CPNE6: variants seen among roughly 807,000 people sequenced by gnomAD.
CPNE6 encodes the protein copine-6.
In CPNE6, 33 loss-of-function variants were observed where a neutral mutation model predicts 71.5. The observed-to-expected ratio is 0.46, with a 90% confidence interval of 0.35 to 0.62. The LOEUF (loss-of-function observed/expected upper bound fraction) is 0.62. Ranked by LOEUF, CPNE6 falls within the 20% of genes least tolerant of loss-of-function variation. The pLI, the probability that CPNE6 is intolerant of heterozygous loss-of-function variation, is 0.00. For missense variants in CPNE6, 576 were observed against 747.3 expected (o/e 0.77, Z 2.67); for synonymous variants, 296 against 293.0 (o/e 1.01, Z -0.10).
chr14:24,071,892 C>A, intron 2 of CPNE6: 1 of 435,288 alleles, frequency 2.3e-6, no homozygotes, highest in Non-Finnish European at 4.1e-6. Context: ...AGGTAGATAC[C>A]CAGCCAGAGA....
Position 24,075,950 on chromosome 14 carries a change from G to A in CPNE6, c.924+64G>A. 2 of 1,591,208 alleles carry A rather than the reference G, an allele frequency of 1.3e-6. No individual in the cohort carries two copies. Among genetic ancestry groups the A allele is most frequent in the South Asian group, 1.1e-5 (1 of 90,302 alleles). The stretch of plus-strand genomic sequence containing the variant: ...GGGCTGAGTCCATAGTGAAAGGAAG[G>A]AGCCCAGAATCTCCACTGCCCCAAC... On this transcript the variant is annotated intron_variant, in intron 11 of 17. Transcript: ENST00000397016. The surrounding 1 kb of genome is among the most constrained non-coding windows in gnomAD (Gnocchi z 4.3).
Position 24,073,576 on chromosome 14 carries a change from G to A in CPNE6, c.246G>A (p.Glu82=). The change falls in exon 4 of 18, where the codon GAG becomes GAA. Residue 82 remains glutamate (E), a synonymous_variant. Coordinates refer to ENST00000397016, the Ensembl canonical transcript of CPNE6. This position sits in a 1 kb window ranked among gnomAD's most constrained non-coding sequence, Gnocchi z 5.5. Reference sequence around the variant, plus strand: ...TGCTGGCCCTTGAGTATTTTTTTGAGGAGAAGCAGCCCCTGCAGTTCCACG... The same window carrying A: ...TGCTGGCCCTTGAGTATTTTTTTGAAGAGAAGCAGCCCCTGCAGTTCCACG... 1 of 1,614,000 alleles carries A rather than the reference G, an allele frequency of 6.2e-7. No individual in the cohort carries two copies. Among genetic ancestry groups the A allele is most frequent in the South Asian group, 1.1e-5 (1 of 91,074 alleles).
chr14:24,077,084 C>A lies in CPNE6; in HGVS notation c.1300-70C>A. The A allele has an allele frequency of 6.3e-7, 1 of 1,597,548 alleles. No homozygotes were observed. Among genetic ancestry groups the A allele is most frequent in the South Asian group, 1.1e-5 (1 of 90,818 alleles). On this transcript the variant is annotated intron_variant, in intron 15 of 17. Transcript: ENST00000397016. This position sits in a 1 kb window ranked among gnomAD's most constrained non-coding sequence, Gnocchi z 6.1. Reference sequence around the variant, plus strand: ...AGTGGTGCCAGGGCCAGGGTCTGCACCTTGGTGGAAACGGTGTCAACGCCC... The same window carrying A: ...AGTGGTGCCAGGGCCAGGGTCTGCAACTTGGTGGAAACGGTGTCAACGCCC...
exon 1 of CPNE6, chr14:24,070,976 G>A (rs1393947422): frequency 6.5e-7 from 1 of 1,535,404 alleles, no homozygotes; most frequent in African/African-American, 1.4e-5. Context: ...GTTCAGCAAG[G>A]TATGTGATGG....
In CPNE6 at chr14:24,071,402, G is replaced by T. The variant is rs1051414053; in HGVS notation, c.-119-125G>T. The T allele has an allele frequency of 1.6e-5, 23 of 1,452,176 alleles. No homozygotes were observed. In the Admixed American group the frequency reaches 5.5e-4, roughly 35 times the overall value. 90.0% of individuals were successfully genotyped at this position (1,452,176 alleles called of 1,614,324 possible). A position where few individuals can be genotyped will look rare whatever the true frequency, so the allele number is the denominator to read the frequency against. The stretch of plus-strand genomic sequence containing the variant: ...CCTGCCTCTAAGCCACCCCCAGCCT[G>T]CCCTCCTCCCCCGGTTCTGTGGCTC... On this transcript the variant is annotated intron_variant, in intron 1 of 17. Coordinates refer to ENST00000397016, the Ensembl canonical transcript of CPNE6.
intron 12 of CPNE6, 30 bp downstream of exon 11, chr14:24,076,312 G>A: frequency 6.2e-7 from 1 of 1,614,240 alleles, no homozygotes; most frequent in South Asian, 1.1e-5. Flanking sequence ...GAGGGAACAG[G>A]CAGGGAGGCC....
chr14:24,075,604 T>C lies in CPNE6; in HGVS notation c.864+13T>C, dbSNP rs2036035772. 1 of 1,600,698 alleles carries C rather than the reference T, an allele frequency of 6.2e-7. No individual in the cohort carries two copies. The highest frequency in any genetic ancestry group is 8.5e-7 in the Non-Finnish European group (1 of 1,172,196). On this transcript the variant is annotated intron_variant, in intron 10 of 17. Coordinates refer to ENST00000397016, the Ensembl canonical transcript of CPNE6. This position sits in a 1 kb window ranked among gnomAD's most constrained non-coding sequence, Gnocchi z 4.3. ...GGCCCAGTGCACGGTAAATTTCACTTCCTGCTTCAAGCCTTGCCCCAGCCC... is the reference window on the plus strand; with the variant it reads ...GGCCCAGTGCACGGTAAATTTCACTCCCTGCTTCAAGCCTTGCCCCAGCCC...
chr14:24,077,337 G>A lies in CPNE6; in HGVS notation c.1483G>A (p.Val495Met), dbSNP rs748247941. Residue 495 changes from valine (V) to methionine (M), a missense_variant, in exon 16 of 18, where the codon GTG (valine) becomes ATG (methionine). By Grantham distance (21) the Val-to-Met change is conservative. Around this residue, in one of 4 missense-constraint regions of CPNE6, gnomAD observed 264 missense variants for 339.9 expected, o/e 0.78. Transcript: ENST00000397016. The surrounding 1 kb of genome is among the most constrained non-coding windows in gnomAD (Gnocchi z 6.1). ...CGGCCCCTTGCGCTGCCCCCGAGGG[G>A]TGCCTGCAGCCCGAGACATTGTCCA... 52 of 1,613,808 alleles carry A rather than the reference G, an allele frequency of 3.2e-5. No homozygotes were observed. The highest frequency in any genetic ancestry group is 4.2e-5 in the Non-Finnish European group (50 of 1,180,010).
At position 24,076,428 on chromosome 14, in the gene CPNE6, G is replaced by A. The variant is rs201388610; in HGVS notation, c.1113+14G>A. Reference sequence around the variant, plus strand: ...CCCAACTTCGAGGTAGGCTAGATGCGAGGGAAAGAAGGAGATGGGGGGCGT... The same window carrying A: ...CCCAACTTCGAGGTAGGCTAGATGCAAGGGAAAGAAGGAGATGGGGGGCGT... On this transcript the variant is annotated intron_variant, in intron 13 of 17. Transcript: ENST00000397016. The A allele has an allele frequency of 5.1e-4, 823 of 1,614,206 alleles. No individual in the cohort carries two copies. The highest frequency in any genetic ancestry group is 2.1e-3 in the East Asian group (96 of 44,888).
intron 14 of CPNE6, 154 bp from the exon 14 acceptor site, chr14:24,076,725 C>T (rs1473344495): frequency 1.4e-6 from 2 of 1,451,984 alleles, no homozygotes; most frequent in African/African-American, 2.8e-5. Flanking sequence ...ACCCAACTCT[C>T]CCTGCCAAGG....
At position 24,074,841 on chromosome 14, in the gene CPNE6, C is replaced by T; in HGVS notation, c.672+46C>T. ...GCACAGCCTACTTAGAGCAACCAAT[C>T]TGCTATCTAAGACCTTTCCCCTGCA... On this transcript the variant is annotated intron_variant, in intron 8 of 17. Transcript: ENST00000397016. This position sits in a 1 kb window ranked among gnomAD's most constrained non-coding sequence, Gnocchi z 4.5. The T allele has an allele frequency of 6.6e-7, 1 of 1,516,104 alleles. No homozygotes were observed. The highest frequency in any genetic ancestry group is 9.1e-7 in the Non-Finnish European group (1 of 1,103,408). The allele number at this position is 1,516,104 out of a possible 1,614,324, so 93.9% of individuals were successfully genotyped here.
chr14:24,075,981 C>G lies in CPNE6; in HGVS notation c.924+95C>G. ...AGAATCTCCACTGCCCCAACTTGGG[C>G]TGCTCATGAGCCTTCGCATTGTCAG... On this transcript the variant is annotated intron_variant, in intron 11 of 17. Coordinates refer to ENST00000397016, the Ensembl canonical transcript of CPNE6. This position sits in a 1 kb window ranked among gnomAD's most constrained non-coding sequence, Gnocchi z 4.3. 1 of 1,540,840 alleles carries G rather than the reference C, an allele frequency of 6.5e-7. No individual in the cohort carries two copies. The highest frequency in any genetic ancestry group is 1.1e-5 in the South Asian group (1 of 88,172).
chr14:24,073,397 G>T lies in CPNE6; in HGVS notation c.169-102G>T, dbSNP rs1053101665. On this transcript the variant is annotated intron_variant, in intron 3 of 17. Transcript: ENST00000397016. The surrounding 1 kb of genome is among the most constrained non-coding windows in gnomAD (Gnocchi z 5.5). ...AAGAGAAGAGCTGGTTGCTGGGGAC[G>T]TGGGGGCCCAAGAAGAGCTGGCATG... 49 of 1,313,278 alleles carry T rather than the reference G, an allele frequency of 3.7e-5. No individual in the cohort carries two copies. Among genetic ancestry groups the T allele is most frequent in the Non-Finnish European group, 3.5e-5 (33 of 953,024 alleles). The allele number at this position is 1,313,278 out of a possible 1,614,324, so 81.4% of individuals were successfully genotyped here.
Position 24,073,606 on chromosome 14 carries a change from C to T in CPNE6, c.276C>T (p.Phe92=), listed in dbSNP as rs776191669. 1.2e-5 allele frequency: 20 copies of T among 1,613,872 alleles called. No homozygotes were observed. The Admixed American group carries it at 2.0e-4, about 16-fold the overall frequency. ...AGCAGCCCCTGCAGTTCCACGTGTT[C>T]GATGCCGAGGACGGAGCCACCAGCC... Residue 92 remains phenylalanine (F), a synonymous_variant, in exon 4 of 18, where the codon TTC becomes TTT. Transcript: ENST00000397016. The surrounding 1 kb of genome is among the most constrained non-coding windows in gnomAD (Gnocchi z 5.5).
Position 24,075,163 on chromosome 14 carries a change from C to A in CPNE6, c.673-9C>A, listed in dbSNP as rs1354955741. The A allele has an allele frequency of 3.1e-6, 5 of 1,608,174 alleles. No individual in the cohort carries two copies. Among genetic ancestry groups the A allele is most frequent in the East Asian group, 2.2e-5 (1 of 44,850 alleles). ...CAACCTGACCCCACCCCTCCCCCTGCCTTCTCAGTTCCTGGTGTATGACTA... is the reference window on the plus strand; with the variant it reads ...CAACCTGACCCCACCCCTCCCCCTGACTTCTCAGTTCCTGGTGTATGACTA... On this transcript the variant is annotated splice_polypyrimidine_tract_variant and intron_variant, in intron 8 of 17. Transcript: ENST00000397016. This position sits in a 1 kb window ranked among gnomAD's most constrained non-coding sequence, Gnocchi z 4.3.
exon 1 of CPNE6, chr14:24,070,959 C>G: frequency 6.5e-7 from 1 of 1,533,342 alleles, no homozygotes. Flanking sequence ...ATTCTCAAAG[C>G]TATGACGTTC....
chr14:24,077,863 T>A lies in CPNE6; in HGVS notation c.*38-25T>A. 7.0e-6 allele frequency: 7 copies of A among 1,005,476 alleles called. No individual in the cohort carries two copies. The highest frequency in any genetic ancestry group is 1.6e-5 in the African/African-American group (1 of 61,270). The allele number at this position is 1,005,476 out of a possible 1,614,324, so 62.3% of individuals were successfully genotyped here. A position where few individuals can be genotyped will look rare whatever the true frequency, so the allele number is the denominator to read the frequency against. On this transcript the variant is annotated intron_variant, in intron 17 of 17. Coordinates refer to ENST00000397016, the Ensembl canonical transcript of CPNE6. The surrounding 1 kb of genome is among the most constrained non-coding windows in gnomAD (Gnocchi z 6.1). ...CTGGGTGTAGTGTAGAAGAGAGTGC[T>A]TATGACTCTCCCACCCCCTCCCAGG...
Position 24,074,877 on chromosome 14 carries a change from C to G in CPNE6, c.672+82C>G. 5 of 1,083,988 alleles carry G rather than the reference C, an allele frequency of 4.6e-6. No homozygotes were observed. Among genetic ancestry groups the G allele is most frequent in the Non-Finnish European group, 6.9e-6 (5 of 723,700 alleles). 67.1% of individuals were successfully genotyped at this position (1,083,988 alleles called of 1,614,324 possible). ...GACCTTTCCCCTGCATGTGGCAAGC[C>G]TCCCTCCTCTCCCCCAAGTGATAAT... On this transcript the variant is annotated intron_variant, in intron 8 of 17. Transcript: ENST00000397016. The surrounding 1 kb of genome is among the most constrained non-coding windows in gnomAD (Gnocchi z 4.5).
At position 24,074,325 on chromosome 14, in the gene CPNE6, A is replaced by C. The variant is rs780650015; in HGVS notation, c.458A>C (p.Tyr153Ser). 6.4e-7 allele frequency: 1 copy of C among 1,569,122 alleles called. No homozygotes were observed. The highest frequency in any genetic ancestry group is 2.2e-5 in the East Asian group (1 of 44,486). Residue 153 changes from tyrosine to serine, a missense_variant, in exon 6 of 18, where the codon TAT becomes TCT. Physicochemically the swap from Tyr to Ser is moderately radical, Grantham distance 144 (BLOSUM62 -2). This residue lies in a region of CPNE6 where 214 missense variants were observed against 291.2 expected (regional missense o/e 0.73). Coordinates refer to ENST00000397016, the Ensembl canonical transcript of CPNE6. This position sits in a 1 kb window ranked among gnomAD's most constrained non-coding sequence, Gnocchi z 4.5. ...GAGGAGGTATCAGGCACAAACGACT[A>C]TGTGCAACTCACCTTCAGAGCCTAC... is the stretch of plus-strand genomic sequence containing the variant.
Sources: allele counts gnomAD v4.1 joint callset, GRCh38; gene constraint gnomAD v4.1.1; regional missense constraint gnomAD v4.1.1; non-coding constraint Gnocchi (gnomAD v3.1); transcripts MANE v1.5; gene names NCBI Gene and HGNC (gene_info 2026-07-23, HGNC 2026-07-21).